ASXL3: variants seen among roughly 807,000 people sequenced by gnomAD.
ASXL3 encodes ASXL transcriptional regulator 3, also known as putative Polycomb group protein ASXL3.
A neutral mutation model predicts 170.6 loss-of-function variants in ASXL3; 34 were observed. The ratio of observed to expected loss-of-function variants is 0.20; its 90% confidence interval spans 0.15 to 0.27. The LOEUF (loss-of-function observed/expected upper bound fraction) is 0.27. ASXL3 is among the 10% of genes least tolerant of loss of function. The pLI, the probability that ASXL3 is intolerant of heterozygous loss-of-function variation, is 1.00. For synonymous variants in ASXL3, 1,002 were observed against 989.1 expected, an observed-to-expected ratio of 1.01 and a Z score of -0.24; for missense variants, 2,592 against 2,695.3, an observed-to-expected ratio of 0.96 and a Z score of 0.85.
At chr18:33,638,661 T>G (rs1259381843) in intron 2 of ASXL3, among the ~76,000 whole-genome samples, 1 of 152,184 alleles carries the variant, frequency 6.6e-6, no homozygotes, top group Non-Finnish European at 1.5e-5. Flanking sequence ...GGAATCAGAT[T>G]AGAATTTAGA....
At chr18:33,665,907 A>G (rs1941699) in intron 5 of ASXL3, among the ~76,000 whole-genome samples, 109,252 of 152,088 alleles carry the variant, frequency 0.72, 40,763 homozygotes, top group East Asian at 0.93. Context: ...CCTAGACTGC[A>G]TTAGCTATGT....
In ASXL3 at chr18:33,734,407, T is replaced by C; in HGVS notation, c.1074T>C (p.Tyr358=). 1 of 1,588,764 alleles carries C rather than the reference T, an allele frequency of 6.3e-7. No homozygotes were observed. Residue 358 remains tyrosine, a synonymous_variant, in exon 10 of 12, where the codon TAT becomes TAC. Transcript: ENST00000269197. ...PWKEKFFERF[Y]GEKLGMSREE... Reference sequence around the variant, plus strand: ...AAGAAAAATTCTTTGAGAGGTTTTATGGAGAAAAGTAAGTACTAGAGTATT... The same window carrying C: ...AAGAAAAATTCTTTGAGAGGTTTTACGGAGAAAAGTAAGTACTAGAGTATT...
At chr18:33,663,712 A>G (rs758694141) in intron 5 of ASXL3, among the ~76,000 whole-genome samples, 1 of 152,172 alleles carries the variant, frequency 6.6e-6, no homozygotes, top group Non-Finnish European at 1.5e-5. Flanking sequence ...TATTTGATTA[A>G]TAATCAAATT....
intron 6 of ASXL3, 39 bp from the exon 7 acceptor site, chr18:33,671,708 T>C (rs1167046436): frequency 6.5e-7 from 1 of 1,539,052 alleles, no homozygotes; most frequent in Admixed American, 2.0e-5. Context: ...CAAGGACAGC[T>C]AGAGAAGATA....
rs760414746 is a variant in ASXL3, at chr18:33,740,143, G to C, written c.2739G>C (p.Lys913Asn). ...QDKQYISSVDKAPFSEGSRNK... is the reference protein window; with the variant it reads ...QDKQYISSVDNAPFSEGSRNK... ...AGCAATATATCTCATCAGTGGATAA[G>C]GCTCCATTTTCAGAAGGCTCTAGAA... is the stretch of plus-strand genomic sequence containing the variant. Residue 913 changes from lysine (K) to asparagine (N), a missense_variant, in exon 11 of 12, where the codon AAG becomes AAC. Coordinates refer to ENST00000269197, the MANE Select transcript of ASXL3 (RefSeq NM_030632.3). 11 of 1,613,900 alleles carry C rather than the reference G, an allele frequency of 6.8e-6. No individual in the cohort carries two copies. The South Asian group carries it at 1.2e-4, about 18-fold the overall frequency.
intron 8 of ASXL3, among the ~76,000 whole-genome samples, chr18:33,709,776 G>A (rs897276247): frequency 6.6e-6 from 1 of 152,148 alleles, no homozygotes; most frequent in African/African-American, 2.4e-5. Flanking sequence ...TGTCACATGT[G>A]CAAAAATTAA....
intron 4 of ASXL3, among the ~76,000 whole-genome samples, chr18:33,657,503 C>T (rs1040742054): frequency 3.3e-5 from 5 of 152,070 alleles, no homozygotes; most frequent in Admixed American, 3.3e-4. Context: ...GGAATACCAA[C>T]CATATCCCCT....
In ASXL3 at chr18:33,743,318, G is replaced by A. The variant is rs1352935416; in HGVS notation, c.3470G>A (p.Gly1157Asp). Residue 1157 changes from glycine (G) to aspartate (D), a missense_variant, in exon 12 of 12, where the codon GGT (glycine) becomes GAT (aspartate). By Grantham distance (94) the Gly-to-Asp change is moderately conservative (BLOSUM62 -1). This residue lies in a region of ASXL3 where 2,246 missense variants were observed against 2,219.6 expected (regional missense o/e 1.01). Transcript: ENST00000269197. Reference sequence around the variant, plus strand: ...GAAACAAAAATGGAAGGTTCGACTGGTGTCATTATTGTCAATCCAAACTGT... The same window carrying A: ...GAAACAAAAATGGAAGGTTCGACTGATGTCATTATTGTCAATCCAAACTGT... ...TPETKMEGSTGVIIVNPNCRS... is the reference protein window; with the variant it reads ...TPETKMEGSTDVIIVNPNCRS... 2 of 1,613,766 alleles carry A rather than the reference G, an allele frequency of 1.2e-6. No individual in the cohort carries two copies. Among genetic ancestry groups the A allele is most frequent in the Non-Finnish European group, 1.7e-6 (2 of 1,179,872 alleles).
chr18:33,688,249 C>G (rs2066630018), intron 8 of ASXL3, among the ~76,000 whole-genome samples: 1 of 152,102 alleles, frequency 6.6e-6, no homozygotes, highest in African/African-American at 2.4e-5. Context: ...TAAAATGGTG[C>G]ACTTGTGGTA....
intron 2 of ASXL3, among the ~76,000 whole-genome samples, chr18:33,636,841 G>A (rs2065773860): frequency 1.3e-5 from 2 of 152,076 alleles, no homozygotes; most frequent in African/African-American, 2.4e-5. Context: ...TACCAGTTGA[G>A]CATCCCAAAT....
chr18:33,700,964 A>C (rs1286475994), intron 8 of ASXL3, among the ~76,000 whole-genome samples: 2 of 152,046 alleles, frequency 1.3e-5, no homozygotes, highest in East Asian at 3.9e-4. Context: ...CAGAGAGAAG[A>C]GCACGATAGG....
At chr18:33,660,844 T>A (rs972736013) in intron 4 of ASXL3, among the ~76,000 whole-genome samples, 2 of 152,120 alleles carry the variant, frequency 1.3e-5, no homozygotes, top group Non-Finnish European at 2.9e-5. Flanking sequence ...GAACTAAAGG[T>A]AGAGTTCTGG....
intron 8 of ASXL3, among the ~76,000 whole-genome samples, chr18:33,719,639 G>T (rs1272223517): frequency 6.6e-6 from 1 of 151,792 alleles, no homozygotes; most frequent in Non-Finnish European, 1.5e-5. Flanking sequence ...AACTCCCATA[G>T]TGATGTTACT....
chr18:33,713,560 T>G (rs1392331244), intron 8 of ASXL3, among the ~76,000 whole-genome samples: 1 of 152,066 alleles, frequency 6.6e-6, no homozygotes, highest in African/African-American at 2.4e-5. Context: ...CGGCCTGAGC[T>G]TTCATTCATT....
Position 33,746,600 on chromosome 18 carries a change from T to C in ASXL3, c.*5T>C. The C allele has an allele frequency of 1.3e-6, 2 of 1,567,554 alleles. No individual in the cohort carries two copies. Among genetic ancestry groups the C allele is most frequent in the South Asian group, 2.3e-5 (2 of 86,818 alleles). The stretch of plus-strand genomic sequence containing the variant: ...GCATGCCTGGTTGTACGATAAGAGC[T>C]GAGTGAAAGATGCAGTATCCCTTTT... On this transcript the variant is annotated 3_prime_UTR_variant, in exon 12 of 12. Transcript: ENST00000269197.
intron 7 of ASXL3, among the ~76,000 whole-genome samples, chr18:33,676,240 A>AAAAAAAAAAAAAAAAC: frequency 6.7e-6 from 1 of 149,798 alleles, no homozygotes; most frequent in South Asian, 2.1e-4. Flanking sequence ...AAAAAAAAAA[A>AAAAAAAAAAAAAAAAC]AAAAAAATTA....
intron 1 of ASXL3, among the ~76,000 whole-genome samples, chr18:33,599,653 C>CT (rs992484585): frequency 3.3e-5 from 5 of 151,994 alleles, no homozygotes; most frequent in Non-Finnish European, 7.4e-5. Context: ...TCACAGTGTC[C>CT]TTTTTTGCAG....
chr18:33,731,924 C>T, intron 8 of ASXL3, 44 bp from the exon 9 acceptor site: 1 of 1,551,522 alleles, frequency 6.4e-7, no homozygotes. Context: ...TTTGCTTTGA[C>T]TTATTCCTGA....
intron 8 of ASXL3, among the ~76,000 whole-genome samples, chr18:33,700,734 G>A (rs374506241): frequency 1.4e-4 from 22 of 152,170 alleles, no homozygotes; most frequent in Admixed American, 4.6e-4. Flanking sequence ...CTATAGAATG[G>A]AACCATCCAC....
Sources: allele counts gnomAD v4.1 joint callset (sites outside exome capture counted in the v4.1 genomes callset), GRCh38; gene constraint gnomAD v4.1.1; regional missense constraint gnomAD v4.1.1; transcripts MANE v1.5; gene names NCBI Gene and HGNC (gene_info 2026-07-23, HGNC 2026-07-21).